The following MAML2 variants were observed in gnomAD, a reference collection of about 807,000 sequenced individuals.
The protein encoded by MAML2 is mastermind-like protein 2.
In MAML2, 22 loss-of-function variants were observed where a neutral mutation model predicts 96.1. The observed-to-expected ratio is 0.23, with a 90% CI of 0.16 to 0.33. MAML2 has a LOEUF of 0.33. MAML2 is among the 10% of genes least tolerant of loss of function. The pLI is 1.00. For synonymous variants in MAML2, 561 were observed against 521.3 expected (o/e 1.08, Z -1.04); for missense variants, 1,367 against 1,392.4 (o/e 0.98, Z 0.29).
chr11:96,059,193 T>C (rs1015256641), intron 2 of MAML2, among the ~76,000 whole-genome samples: 1 of 152,226 alleles, frequency 6.6e-6, no homozygotes, highest in African/African-American at 2.4e-5. Flanking sequence ...AGCTTGGTTC[T>C]CTTTGTCACA....
chr11:96,330,873 G>A (rs112655006), intron 1 of MAML2, among the ~76,000 whole-genome samples: 324 of 152,282 alleles, frequency 2.1e-3, no homozygotes, highest in African/African-American at 7.0e-3. Context: ...GAGGCCAATC[G>A]AGATTCAAGG....
intron 1 of MAML2, among the ~76,000 whole-genome samples, chr11:96,305,673 G>A (rs1863453195): frequency 6.6e-6 from 1 of 152,138 alleles, no homozygotes; most frequent in South Asian, 2.1e-4. Flanking sequence ...TACTATTCAA[G>A]TCATCTAATA....
At chr11:96,175,659 C>T (rs1032408002) in intron 1 of MAML2, among the ~76,000 whole-genome samples, 3 of 152,074 alleles carry the variant, frequency 2.0e-5, no homozygotes, top group Admixed American at 6.5e-5. Flanking sequence ...GGCGTGATCT[C>T]GGCTCACTGC....
chr11:96,251,024 A>G (rs1862575484), intron 1 of MAML2, among the ~76,000 whole-genome samples: 1 of 152,220 alleles, frequency 6.6e-6, no homozygotes, highest in African/African-American at 2.4e-5. Flanking sequence ...AGAGGGAGCA[A>G]TAAAACAAAT....
At chr11:96,148,117 G>A (rs578172064) in intron 1 of MAML2, among the ~76,000 whole-genome samples, 5 of 152,240 alleles carry the variant, frequency 3.3e-5, no homozygotes, top group African/African-American at 9.6e-5. Context: ...CTGTCACGTC[G>A]GGACATGTTA....
chr11:96,235,808 A>T (rs140648140), intron 1 of MAML2, among the ~76,000 whole-genome samples: 2 of 152,196 alleles, frequency 1.3e-5, no homozygotes, highest in Non-Finnish European at 2.9e-5. Context: ...ACATTATTTC[A>T]AGCATTCAGT....
At chr11:96,319,210 A>T (rs1591130393) in intron 1 of MAML2, among the ~76,000 whole-genome samples, 1 of 152,142 alleles carries the variant, frequency 6.6e-6, no homozygotes, top group African/African-American at 2.4e-5. Flanking sequence ...TTTTCTCCCA[A>T]CAGCCATGGG....
chr11:96,198,871 C>T (rs1296084504), intron 1 of MAML2, among the ~76,000 whole-genome samples: 1 of 151,986 alleles, frequency 6.6e-6, no homozygotes, highest in Non-Finnish European at 1.5e-5. Context: ...CTGGAAGTAT[C>T]GTGTGTGACT....
At chr11:96,241,534 T>C (rs1862437861) in intron 1 of MAML2, among the ~76,000 whole-genome samples, 1 of 152,034 alleles carries the variant, frequency 6.6e-6, no homozygotes, top group African/African-American at 2.4e-5. Flanking sequence ...GTAAATATCT[T>C]ATAATGCACA....
intron 2 of MAML2, among the ~76,000 whole-genome samples, chr11:96,020,892 T>G (rs1179252894): frequency 6.6e-6 from 1 of 152,154 alleles, no homozygotes; most frequent in East Asian, 1.9e-4. Flanking sequence ...AGACCTAGCC[T>G]TTGGTGGATA....
At chr11:96,124,872 A>G (rs1052850563) in intron 1 of MAML2, among the ~76,000 whole-genome samples, 2 of 152,172 alleles carry the variant, frequency 1.3e-5, no homozygotes, top group African/African-American at 4.8e-5. Flanking sequence ...CTGCTTATGT[A>G]TTATGCTCAG....
chr11:96,234,966 C>G (rs949710717), intron 1 of MAML2, among the ~76,000 whole-genome samples: 1 of 152,128 alleles, frequency 6.6e-6, no homozygotes, highest in Non-Finnish European at 1.5e-5. Flanking sequence ...TTAAGTGGAA[C>G]AATGGTGACA....
intron 1 of MAML2, among the ~76,000 whole-genome samples, chr11:96,161,941 G>T (rs4753738): frequency 6.6e-6 from 1 of 151,958 alleles, no homozygotes; most frequent in Non-Finnish European, 1.5e-5. Context: ...CCTGTGGGCT[G>T]AAAGCTAGCT....
intron 1 of MAML2, among the ~76,000 whole-genome samples, chr11:96,289,414 C>T (rs1863181031): frequency 6.6e-6 from 1 of 152,170 alleles, no homozygotes; most frequent in Non-Finnish European, 1.5e-5. Context: ...TTCGTAGGCA[C>T]TTCATAAATG....
rs1864003555 is a variant in MAML2 at position 96,342,027 on chromosome 11, G to A, written c.-132C>T. On this transcript the variant is annotated 5_prime_UTR_variant, in exon 1 of 5. Transcript: ENST00000524717. ...GGCCACATGAATAGAGGTCTTCAGA[G>A]GTTGTGGGGGAGCCGTGGAGAAGTT... is the stretch of plus-strand genomic sequence containing the variant. The A allele has an allele frequency of 1.2e-6, 1 of 860,286 alleles. No homozygotes were observed. The highest frequency in any genetic ancestry group is 1.7e-6 in the Non-Finnish European group (1 of 579,940). 53.3% of individuals were successfully genotyped at this position (860,286 alleles called of 1,614,324 possible). A position where few individuals can be genotyped will look rare whatever the true frequency, so the allele number is the denominator to read the frequency against.
At chr11:96,067,527 CTA>C (rs1212672048) in intron 2 of MAML2, among the ~76,000 whole-genome samples, 2 of 152,106 alleles carry the variant, frequency 1.3e-5, no homozygotes, top group African/African-American at 4.8e-5. Context: ...TCTTCTTACT[CTA>C]TGCAGGATAA....
intron 1 of MAML2, among the ~76,000 whole-genome samples, chr11:96,157,379 C>T (rs1468607257): frequency 6.6e-6 from 1 of 152,258 alleles, no homozygotes; most frequent in African/African-American, 2.4e-5. Context: ...CAATGTTTAT[C>T]ATCCTGTGTC....
rs1338006964 is a variant in MAML2, at chr11:96,341,987, G to C, written c.-92C>G. The C allele has an allele frequency of 1.8e-5, 23 of 1,302,764 alleles. No individual in the cohort carries two copies. Among genetic ancestry groups the C allele is most frequent in the Non-Finnish European group, 2.3e-5 (22 of 976,898 alleles). The allele number at this position is 1,302,764 out of a possible 1,614,324, so 80.7% of individuals were successfully genotyped here. On this transcript the variant is annotated 5_prime_UTR_variant, in exon 1 of 5. Coordinates refer to ENST00000524717, the MANE Select transcript of MAML2 (RefSeq NM_032427.4). ...CAGGCAAGTCTGTTTTTGACAATGT[G>C]AGCTCAGTGTTCAGGGCCACATGAA...
intron 1 of MAML2, among the ~76,000 whole-genome samples, chr11:96,115,034 G>A (rs1016343248): frequency 2.6e-5 from 4 of 152,118 alleles, no homozygotes; most frequent in Non-Finnish European, 4.4e-5. Context: ...GAGAGGACAC[G>A]GAAGTTCATG....
Sources: allele counts gnomAD v4.1 joint callset (sites outside exome capture counted in the v4.1 genomes callset), GRCh38; gene constraint gnomAD v4.1.1; transcripts MANE v1.5; gene names NCBI Gene and HGNC (gene_info 2026-07-23, HGNC 2026-07-21).